TENM4: variants seen among roughly 807,000 people sequenced by gnomAD.
The protein encoded by TENM4 is teneurin-4.
In TENM4, 82 loss-of-function variants were observed where a neutral mutation model predicts 243.3. That is an observed-to-expected ratio of 0.34 (90% CI 0.28 to 0.40). The LOEUF is 0.40. Ranked by LOEUF, TENM4 falls within the 10% of genes least tolerant of loss-of-function variation. TENM4 has a pLI of 1.00. For synonymous variants in TENM4, 1,412 were observed against 1,456.3 expected (o/e 0.97, Z 0.69); for missense variants, 3,138 against 3,673.3 (o/e 0.85, Z 3.77).
chr11:79,168,466 T>A (rs1390076938), intron 3 of TENM4, among the ~76,000 whole-genome samples: 1 of 152,050 alleles, frequency 6.6e-6, no homozygotes, highest in African/African-American at 2.4e-5. Flanking sequence ...TAGTGAAAAG[T>A]TGGCCGGGCA....
chr11:79,327,239 A>C (rs1407846568), intron 1 of TENM4, among the ~76,000 whole-genome samples: 1 of 152,258 alleles, frequency 6.6e-6, no homozygotes, highest in Non-Finnish European at 1.5e-5. Context: ...GTATTTCTAC[A>C]AAAATAAAAC....
At chr11:79,356,691 C>T (rs1245330174) in intron 1 of TENM4, among the ~76,000 whole-genome samples, 1 of 151,888 alleles carries the variant, frequency 6.6e-6, no homozygotes, top group African/African-American at 2.4e-5. Context: ...ACAAATGAGT[C>T]AAGGTCATTA....
At chr11:79,197,474 G>A (rs778965053) in intron 3 of TENM4, among the ~76,000 whole-genome samples, 4 of 152,100 alleles carry the variant, frequency 2.6e-5, no homozygotes, top group African/African-American at 4.8e-5. Flanking sequence ...CAGCATGGGA[G>A]CATTAGTCCC....
At chr11:78,770,928 A>T in intron 18 of TENM4, 64 bp downstream of exon 18, 1 of 1,540,918 alleles carries the variant, frequency 6.5e-7, no homozygotes, top group Non-Finnish European at 8.7e-7. Flanking sequence ...AGTAATATCC[A>T]TTCTCCACTC....
At chr11:78,832,954 A>G (rs1858016488) in intron 12 of TENM4, among the ~76,000 whole-genome samples, 1 of 152,240 alleles carries the variant, frequency 6.6e-6, no homozygotes, top group East Asian at 1.9e-4. Flanking sequence ...AAATAAATGC[A>G]TGCTTATTTG....
At chr11:79,367,302 C>T (rs1471687693) in intron 1 of TENM4, among the ~76,000 whole-genome samples, 6 of 152,226 alleles carry the variant, frequency 3.9e-5, no homozygotes, top group Admixed American at 6.5e-5. Flanking sequence ...TGCATGGCTA[C>T]TAGAATCCCC....
At chr11:78,780,102 G>T (rs148191503) in intron 16 of TENM4, among the ~76,000 whole-genome samples, 1 of 152,158 alleles carries the variant, frequency 6.6e-6, no homozygotes, top group Non-Finnish European at 1.5e-5. Flanking sequence ...TCCATGAGAT[G>T]CAGGATACAA....
At chr11:78,699,438 G>A (rs1238604304) in intron 28 of TENM4, among the ~76,000 whole-genome samples, 1 of 152,276 alleles carries the variant, frequency 6.6e-6, no homozygotes, top group Middle Eastern at 3.4e-3. Context: ...GATAATTCCT[G>A]CCATCTGAGG....
At chr11:78,672,374 G>A (rs1325660009) in intron 30 of TENM4, 45 bp from the exon 31 acceptor site, 4 of 1,574,296 alleles carry the variant, frequency 2.5e-6, no homozygotes, top group African/African-American at 1.3e-5. Flanking sequence ...TCTGGACCAT[G>A]AGAACTTTGG....
chr11:79,324,584 G>T (rs1251712322), intron 1 of TENM4, among the ~76,000 whole-genome samples: 1 of 152,034 alleles, frequency 6.6e-6, no homozygotes, highest in African/African-American at 2.4e-5. Flanking sequence ...TGGATGCATG[G>T]AATCCATGGA....
At chr11:79,326,062 C>A (rs1054435468) in intron 1 of TENM4, among the ~76,000 whole-genome samples, 1 of 152,220 alleles carries the variant, frequency 6.6e-6, no homozygotes, top group Non-Finnish European at 1.5e-5. Flanking sequence ...AGAGAGCAAA[C>A]GTGCGCCTTA....
At chr11:78,999,642 G>A (rs1031255993) in intron 6 of TENM4, among the ~76,000 whole-genome samples, 6 of 152,194 alleles carry the variant, frequency 3.9e-5, no homozygotes, top group African/African-American at 1.4e-4. Flanking sequence ...TAACTGAAGT[G>A]TCCAGTTTTC....
rs140084535 is a variant in TENM4, at chr11:79,187,865, G to A, written c.-163+27943C>T. ...GCCTCAGAAGAAACCAACCCTGCAG[G>A]CACCTTGATTTTGGACTTCCAGCCT... On this transcript the variant is annotated intron_variant, in intron 3 of 33. Transcript: ENST00000278550. 3.5e-3 allele frequency among the ~76,000 whole-genome samples: 534 copies of A among 152,226 alleles called. 14 individuals are homozygous for A. The highest frequency in any genetic ancestry group is 0.033 in the Admixed American group (504 of 15,274).
chr11:78,710,854 C>T (rs1051031454), intron 26 of TENM4, among the ~76,000 whole-genome samples: 14 of 152,010 alleles, frequency 9.2e-5, no homozygotes, highest in Non-Finnish European at 1.8e-4. Flanking sequence ...TGGGGGGCCA[C>T]GAGGGCGGGG....
chr11:78,847,275 G>A (rs191833478), intron 12 of TENM4, among the ~76,000 whole-genome samples: 151 of 152,292 alleles, frequency 9.9e-4, no homozygotes, highest in Non-Finnish European at 1.7e-3. Flanking sequence ...CTTGGTTCCT[G>A]CAGTGTCCTT....
At chr11:79,184,617 A>G (rs1255641355) in intron 3 of TENM4, among the ~76,000 whole-genome samples, 1 of 152,162 alleles carries the variant, frequency 6.6e-6, no homozygotes, top group Non-Finnish European at 1.5e-5. Context: ...GAAGCCAATC[A>G]CAAAAGGACA....
At chr11:78,833,766 A>T (rs1196288215) in intron 12 of TENM4, among the ~76,000 whole-genome samples, 1 of 152,056 alleles carries the variant, frequency 6.6e-6, no homozygotes, top group Non-Finnish European at 1.5e-5. Context: ...TGATTTTAAG[A>T]TCTTGCATGG....
At chr11:79,324,512 A>G (rs1856942237) in intron 1 of TENM4, among the ~76,000 whole-genome samples, 1 of 152,172 alleles carries the variant, frequency 6.6e-6, no homozygotes, top group Non-Finnish European at 1.5e-5. Context: ...GACATGAGCC[A>G]CTGTGCCTGG....
Position 78,701,825 on chromosome 11 carries a change from C to T in TENM4, c.4788G>A (p.Leu1596=). ...LYLFDTTGKH[L]YTQSLPTGDY... ...CTCCTGTGGGCAGGCTTTGGGTGTACAGGTGCTTGCCGGTGGTATCAAACA... is the reference window on the plus strand; with the variant it reads ...CTCCTGTGGGCAGGCTTTGGGTGTATAGGTGCTTGCCGGTGGTATCAAACA... The change falls in exon 28 of 34, where the codon CTG becomes CTA. Residue 1596 remains leucine (L), a synonymous_variant. Coordinates refer to ENST00000278550, the MANE Select transcript of TENM4 (RefSeq NM_001098816.3). 6.2e-7 allele frequency: 1 copy of T among 1,614,024 alleles called. No individual in the cohort carries two copies. The highest frequency in any genetic ancestry group is 8.5e-7 in the Non-Finnish European group (1 of 1,179,894).
Sources: allele counts gnomAD v4.1 joint callset (sites outside exome capture counted in the v4.1 genomes callset), GRCh38; gene constraint gnomAD v4.1.1; transcripts MANE v1.5; gene names NCBI Gene and HGNC (gene_info 2026-07-23, HGNC 2026-07-21).